Variants in RCSD1 observed in about 807,000 individuals in gnomAD.
RCSD1 encodes the protein RCSD domain containing 1.
Under a neutral mutation model 42.5 loss-of-function variants are expected in RCSD1, and 26 were observed. That is an observed-to-expected ratio of 0.61 (90% CI 0.45 to 0.85). The LOEUF (loss-of-function observed/expected upper bound fraction) is 0.85, where lower values mean the gene tolerates loss of function less well. Among genes scored for constraint, RCSD1 ranks in the 40% least tolerant of loss-of-function variants. The pLI is 0.00. For missense variants in RCSD1, 571 were observed against 528.3 expected (o/e 1.08, Z -0.79); for synonymous variants, 220 against 212.2 (o/e 1.04, Z -0.32).
chr1:167,674,543 C>A (rs770846477), intron 1 of RCSD1, among the ~76,000 whole-genome samples: 1 of 152,196 alleles, frequency 6.6e-6, no homozygotes, highest in Admixed American at 6.5e-5. Context: ...TGTTCACAGA[C>A]TGTGCAACCA....
At chr1:167,682,837 C>T (rs1049418576) in intron 1 of RCSD1, among the ~76,000 whole-genome samples, 5 of 152,076 alleles carry the variant, frequency 3.3e-5, no homozygotes, top group African/African-American at 1.2e-4. Context: ...TCAGACTAGA[C>T]GTGAGGAGGG....
chr1:167,677,933 G>A (rs1658989952), intron 1 of RCSD1, among the ~76,000 whole-genome samples: 1 of 152,218 alleles, frequency 6.6e-6, no homozygotes, highest in African/African-American at 2.4e-5. Flanking sequence ...CAGGAATAAA[G>A]TGGGAGGCAG....
chr1:167,653,056 G>A (rs1478873243), intron 1 of RCSD1, among the ~76,000 whole-genome samples: 1 of 152,202 alleles, frequency 6.6e-6, no homozygotes, highest in Non-Finnish European at 1.5e-5. Context: ...AATGCTAACA[G>A]CAGTTTTTAA....
chr1:167,656,101 A>G (rs529872512), intron 1 of RCSD1, among the ~76,000 whole-genome samples: 4 of 152,308 alleles, frequency 2.6e-5, no homozygotes, highest in African/African-American at 9.6e-5. Flanking sequence ...TTAATTATAC[A>G]GCCTATCTTT....
intron 1 of RCSD1, among the ~76,000 whole-genome samples, chr1:167,659,580 G>A (rs142412503): frequency 1.3e-5 from 2 of 152,254 alleles, no homozygotes; most frequent in Non-Finnish European, 2.9e-5. Flanking sequence ...GCAGAGCCAG[G>A]CGTGGGAATC....
chr1:167,663,329 A>C (rs1658580306), intron 1 of RCSD1, among the ~76,000 whole-genome samples: 1 of 152,154 alleles, frequency 6.6e-6, no homozygotes, highest in African/African-American at 2.4e-5. Context: ...AACTGTGGCC[A>C]CACCCCTGAG....
intron 1 of RCSD1, among the ~76,000 whole-genome samples, chr1:167,638,951 C>A (rs1003804029): frequency 6.6e-6 from 1 of 152,172 alleles, no homozygotes; most frequent in African/African-American, 2.4e-5. Context: ...GGGGCGGTGG[C>A]TTATGCCTGT....
At chr1:167,651,989 C>T (rs940790958) in intron 1 of RCSD1, among the ~76,000 whole-genome samples, 2 of 151,828 alleles carry the variant, frequency 1.3e-5, no homozygotes, top group Admixed American at 6.6e-5. Flanking sequence ...GAGGAGGTTC[C>T]CCCAGCCCAG....
intron 1 of RCSD1, among the ~76,000 whole-genome samples, chr1:167,680,448 CTGTTTTTGTTTTTGTTTT>C (rs143240113): frequency 6.1e-5 from 9 of 146,818 alleles, no homozygotes; most frequent in Non-Finnish European, 1.2e-4. Context: ...TAGATGAGCC[CTGTTTTTGTTTTTGTTTT>C]TGTTTTTGTT....
chr1:167,643,742 C>T (rs1658062195), intron 1 of RCSD1, among the ~76,000 whole-genome samples: 1 of 152,190 alleles, frequency 6.6e-6, no homozygotes, highest in African/African-American at 2.4e-5. Context: ...ATAACACCTA[C>T]CTGCTAGGGT....
chr1:167,683,032 T>C (rs1471942770), intron 1 of RCSD1, among the ~76,000 whole-genome samples: 1 of 152,202 alleles, frequency 6.6e-6, no homozygotes, highest in African/African-American at 2.4e-5. Context: ...TTACTCTGTG[T>C]GTCTTGGTGA....
chr1:167,696,019 G>T (rs1569637), intron 5 of RCSD1, among the ~76,000 whole-genome samples: 4 of 152,134 alleles, frequency 2.6e-5, no homozygotes, highest in South Asian at 4.1e-4. Context: ...TGGTGGACCT[G>T]AGTTCTAGAA....
intron 1 of RCSD1, among the ~76,000 whole-genome samples, chr1:167,654,980 G>C (rs1275048568): frequency 6.6e-6 from 1 of 152,134 alleles, no homozygotes; most frequent in Non-Finnish European, 1.5e-5. Context: ...CAGCCGTCAT[G>C]TCTTCTCCAG....
rs563145549 is a variant in RCSD1 at position 167,639,694 on chromosome 1, A to C, written c.6+9265A>C. Reference sequence around the variant, plus strand: ...TTTTTAATAGAGACGGGGTTTCACCATGTTGGCCAGGCTGGTCTTGAACTC... The same window carrying C: ...TTTTTAATAGAGACGGGGTTTCACCCTGTTGGCCAGGCTGGTCTTGAACTC... On this transcript the variant is annotated intron_variant, in intron 1 of 6. Coordinates refer to ENST00000367854, the MANE Select transcript of RCSD1 (RefSeq NM_052862.4). 5.3e-5 allele frequency among the ~76,000 whole-genome samples: 8 copies of C among 152,290 alleles called. No individual in the cohort carries two copies. In the East Asian group the frequency reaches 1.5e-3, roughly 29 times the overall value.
intron 1 of RCSD1, among the ~76,000 whole-genome samples, chr1:167,650,565 G>A (rs1378456970): frequency 6.6e-6 from 1 of 152,222 alleles, no homozygotes; most frequent in Non-Finnish European, 1.5e-5. Context: ...CAGGAGGCCT[G>A]TGCTCTCTAA....
At chr1:167,668,138 G>A (rs1258561306) in intron 1 of RCSD1, among the ~76,000 whole-genome samples, 1 of 151,992 alleles carries the variant, frequency 6.6e-6, no homozygotes, top group African/African-American at 2.4e-5. Context: ...CTAAAAATTA[G>A]CAAATTAGCT....
At chr1:167,688,524 A>G (rs948308211) in intron 3 of RCSD1, among the ~76,000 whole-genome samples, 1 of 152,070 alleles carries the variant, frequency 6.6e-6, no homozygotes. Context: ...GAGTCCTTAG[A>G]ATCATTTATT....
At chr1:167,700,328 C>G (rs1014152387) in intron 6 of RCSD1, among the ~76,000 whole-genome samples, 1 of 152,082 alleles carries the variant, frequency 6.6e-6, no homozygotes, top group Non-Finnish European at 1.5e-5. Context: ...AGTTGTTAGG[C>G]AGAGGTGCTC....
At chr1:167,683,515 A>G (rs750099058) in intron 1 of RCSD1, among the ~76,000 whole-genome samples, 7 of 152,232 alleles carry the variant, frequency 4.6e-5, no homozygotes, top group Non-Finnish European at 8.8e-5. Context: ...TTCAAGTTCA[A>G]TAAAGGGCAT....
Sources: allele counts gnomAD v4.1 joint callset (sites outside exome capture counted in the v4.1 genomes callset), GRCh38; gene constraint gnomAD v4.1.1; transcripts MANE v1.5; gene names NCBI Gene and HGNC (gene_info 2026-07-23, HGNC 2026-07-21).